The following CHL1 variants were observed in gnomAD, a reference collection of about 807,000 sequenced individuals.
The protein encoded by CHL1 is cell adhesion molecule L1 like.
CHL1 carries 96 observed loss-of-function variants against 141.9 expected under a neutral mutation model. The observed-to-expected ratio is 0.68, with a 90% CI of 0.57 to 0.80. CHL1 has a LOEUF of 0.80. CHL1 is among the 30% of genes least tolerant of loss of function. The probability of loss-of-function intolerance (pLI) is 0.00; values close to 1 mark genes in which losing one functional copy is unlikely to be tolerated. For synonymous variants in CHL1, 613 were observed against 502.2 expected, an observed-to-expected ratio of 1.22 and a Z score of -2.95; for missense variants, 1,820 against 1,457.2, an observed-to-expected ratio of 1.25 and a Z score of -4.05.
At chr3:303,244 T>A (rs1575008088) in intron 2 of CHL1, among the ~76,000 whole-genome samples, 1 of 152,210 alleles carries the variant, frequency 6.6e-6, no homozygotes, top group East Asian at 1.9e-4. Flanking sequence ...TGGTTCCATA[T>A]GAAGTTTAAA....
Position 391,891 on chromosome 3 carries a change from A to T in CHL1, c.2914+94A>T, listed in dbSNP as rs1457637877. 7 of 1,033,026 alleles carry T rather than the reference A, an allele frequency of 6.8e-6. No individual in the cohort carries two copies. The South Asian group carries it at 1.1e-4, about 16-fold the overall frequency. 64.0% of individuals were successfully genotyped at this position (1,033,026 alleles called of 1,614,324 possible). ...ATGTTGGGAGTCTAATGATCACTTA[A>T]GGCCATGGTTTGTAAGCTGCCGTTC... On this transcript the variant is annotated intron_variant, in intron 23 of 27. Transcript: ENST00000256509.
chr3:311,743 A>T (rs1184711579), intron 2 of CHL1, among the ~76,000 whole-genome samples: 1 of 152,202 alleles, frequency 6.6e-6, no homozygotes, highest in African/African-American at 2.4e-5. Flanking sequence ...ACCTGGATTT[A>T]TACATATGTA....
intron 1 of CHL1, among the ~76,000 whole-genome samples, chr3:224,445 A>T: frequency 6.6e-6 from 1 of 152,168 alleles, no homozygotes; most frequent in East Asian, 1.9e-4. Flanking sequence ...TCATGGGAAC[A>T]GATCCCGTAT....
Position 399,096 on chromosome 3 carries a change from A to G in CHL1, c.3333A>G (p.Leu1111=), listed in dbSNP as rs879866159. 2 of 1,606,526 alleles carry G rather than the reference A, an allele frequency of 1.2e-6. No homozygotes were observed. The highest frequency in any genetic ancestry group is 2.2e-5 in the East Asian group (1 of 44,816). Residue 1111 remains leucine (L), a synonymous_variant, in exon 26 of 28, where the codon CTA becomes CTG. Coordinates refer to ENST00000256509, the MANE Select transcript of CHL1 (RefSeq NM_006614.4). ...TGTGTGCGATTGCTCTTCTCACACT[A>G]CTATTATTAACTGTTTGCTTTGTGA... The part of the protein sequence containing the change: ...GLMCAIALLT[L]LLLTVCFVKR...
chr3:391,029 A>G lies in CHL1; in HGVS notation c.2661A>G (p.Ser887=), dbSNP rs1708183545. The part of the protein sequence containing the change: ...HPKEVNILRF[S]GQRNSGMVPS... The stretch of plus-strand genomic sequence containing the variant: ...AAGAAGTGAACATTCTAAGATTTTC[A>G]GGACAAAGAAACTCTGGAATGGTTC... Residue 887 remains serine (S), a synonymous_variant, in exon 22 of 28, where the codon TCA becomes TCG. Coordinates refer to ENST00000256509, the MANE Select transcript of CHL1 (RefSeq NM_006614.4). 2 of 1,614,056 alleles carry G rather than the reference A, an allele frequency of 1.2e-6. No individual in the cohort carries two copies. The highest frequency in any genetic ancestry group is 1.7e-6 in the Non-Finnish European group (2 of 1,179,868).
At chr3:338,249 G>C (rs192645223) in intron 5 of CHL1, among the ~76,000 whole-genome samples, 5 of 152,224 alleles carry the variant, frequency 3.3e-5, no homozygotes, top group African/African-American at 1.2e-4. Flanking sequence ...AGTGATTTTT[G>C]GTTTTGGTGT....
intron 15 of CHL1, among the ~76,000 whole-genome samples, chr3:373,254 G>A (rs934639632): frequency 6.6e-6 from 1 of 152,196 alleles, no homozygotes; most frequent in African/African-American, 2.4e-5. Context: ...CTCCCCCTAG[G>A]GGCTCAGGCC....
chr3:273,713 T>A (rs1025045728), intron 2 of CHL1, among the ~76,000 whole-genome samples: 15 of 152,170 alleles, frequency 9.9e-5, no homozygotes, highest in Non-Finnish European at 2.2e-4. Context: ...AGGGTATATA[T>A]CTCTTATGAA....
intron 1 of CHL1, among the ~76,000 whole-genome samples, chr3:242,324 C>T (rs552051200): frequency 3.0e-4 from 41 of 137,132 alleles, no homozygotes; most frequent in East Asian, 1.2e-3. Context: ...TGGCTGAGCG[C>T]GGTGGCTCAC....
At chr3:231,909 G>A (rs775413792) in intron 1 of CHL1, among the ~76,000 whole-genome samples, 3 of 151,932 alleles carry the variant, frequency 2.0e-5, no homozygotes, top group Non-Finnish European at 2.9e-5. Flanking sequence ...GAATGTGTTT[G>A]GTGTGACACT....
intron 2 of CHL1, among the ~76,000 whole-genome samples, chr3:265,208 T>A (rs1695052086): frequency 6.6e-6 from 1 of 152,206 alleles, no homozygotes. Context: ...GCTTCCATTA[T>A]TTGCTAGCTG....
intron 15 of CHL1, among the ~76,000 whole-genome samples, chr3:367,611 ACTG>A (rs1369082914): frequency 6.6e-6 from 1 of 152,218 alleles, no homozygotes. Context: ...TGTGATTTGT[ACTG>A]CTAATTTCTT....
chr3:248,666 CTTT>C (rs985454941), intron 2 of CHL1: 1 of 151,990 alleles, frequency 6.6e-6, no homozygotes, highest in Non-Finnish European at 1.5e-5. Context: ...TCTTCATAGC[CTTT>C]TTTTAAGTTA....
chr3:362,829 G>T (rs981995087), intron 13 of CHL1, among the ~76,000 whole-genome samples: 1 of 152,178 alleles, frequency 6.6e-6, no homozygotes, highest in Non-Finnish European at 1.5e-5. Flanking sequence ...AGGACAGCAG[G>T]AGGTTTGAAA....
At chr3:327,451 C>A (rs921549395) in intron 4 of CHL1, among the ~76,000 whole-genome samples, 26 of 151,718 alleles carry the variant, frequency 1.7e-4, no homozygotes, top group African/African-American at 6.0e-4. Context: ...AATTTTGCAA[C>A]ATTTATCAAA....
rs1444659980 is a variant in CHL1, at chr3:342,837, C to T, written c.680-147C>T. ...CACTATAATTATTTTCTATGTAAAACTATATTCCCAAAGGCAATGTTCTAG... is the reference window on the plus strand; with the variant it reads ...CACTATAATTATTTTCTATGTAAAATTATATTCCCAAAGGCAATGTTCTAG... On this transcript the variant is annotated intron_variant, in intron 7 of 27. Coordinates refer to ENST00000256509, the MANE Select transcript of CHL1 (RefSeq NM_006614.4). The T allele has an allele frequency of 1.9e-5, 11 of 573,096 alleles. No individual in the cohort carries two copies. The East Asian group carries it at 3.3e-4, about 17-fold the overall frequency. The allele number at this position is 573,096 out of a possible 1,614,324, so 35.5% of individuals were successfully genotyped here. A position where few individuals can be genotyped will look rare whatever the true frequency, so the allele number is the denominator to read the frequency against.
In CHL1 at chr3:312,654, G is replaced by A. The variant is rs528123491; in HGVS notation, c.-94-7029G>A. The stretch of plus-strand genomic sequence containing the variant: ...TAGCCTGATAATCACATAAAAAGGA[G>A]TTTCATAAAGGGACACTTGAGGTCA... On this transcript the variant is annotated intron_variant, in intron 2 of 27. Coordinates refer to ENST00000256509, the MANE Select transcript of CHL1 (RefSeq NM_006614.4). Among the ~76,000 whole-genome samples the A allele has an allele frequency of 2.0e-5, 3 of 152,254 alleles. No homozygotes were observed. The South Asian group carries it at 6.2e-4, about 32-fold the overall frequency.
At chr3:197,465 G>A (rs1698433998) in intron 1 of CHL1, 1 of 163,270 alleles carries the variant, frequency 6.1e-6, no homozygotes, top group Admixed American at 6.1e-5. Flanking sequence ...GCCCTCTCTC[G>A]GGTGGGGCTC....
intron 5 of CHL1, among the ~76,000 whole-genome samples, chr3:333,124 A>AGTTTTTTTTTT (rs1701575441): frequency 1.2e-5 from 1 of 83,314 alleles, no homozygotes; most frequent in Non-Finnish European, 2.1e-5. Flanking sequence ...TAATTGCTCT[A>AGTTTTTTTTTT]TTTTTTTTAT....
Sources: gnomAD v4.1 joint callset for allele counts (sites outside exome capture counted in the v4.1 genomes callset) on GRCh38, gnomAD v4.1.1 for gene constraint, MANE v1.5 for transcripts, NCBI Gene and HGNC (gene_info 2026-07-23, HGNC 2026-07-21) for gene names.